Variants in STX12 observed in about 807,000 individuals in gnomAD.
STX12 encodes the protein syntaxin-12.
In STX12, 17 loss-of-function variants were observed where a neutral mutation model predicts 42.2. The ratio of observed to expected loss-of-function variants is 0.40; its 90% CI spans 0.28 to 0.60. The LOEUF is 0.60. Ranked by LOEUF, STX12 falls within the 20% of genes least tolerant of loss-of-function variation. STX12 has a pLI of 0.39. For missense variants in STX12, 297 were observed against 330.9 expected, an observed-to-expected ratio of 0.90 and a Z score of 0.79; for synonymous variants, 108 against 116.7, an observed-to-expected ratio of 0.93 and a Z score of 0.48.
chr1:27,805,169 C>G (rs542443365), intron 4 of STX12, among the ~76,000 whole-genome samples: 3 of 152,128 alleles, frequency 2.0e-5, no homozygotes, highest in Non-Finnish European at 2.9e-5. Context: ...GGTGGGGACA[C>G]AGAGCCAAAC....
At chr1:27,808,310 T>TA (rs1557805360) in intron 4 of STX12, among the ~76,000 whole-genome samples, 21 of 148,800 alleles carry the variant, frequency 1.4e-4, no homozygotes, top group East Asian at 3.9e-4. Context: ...TTTGCTTTGT[T>TA]TTTTATTTAT....
chr1:27,781,275 G>T (rs1055845654), intron 1 of STX12, among the ~76,000 whole-genome samples: 1 of 151,974 alleles, frequency 6.6e-6, no homozygotes, highest in African/African-American at 2.4e-5. Context: ...AACTCCTGAC[G>T]TCAGGCGATT....
chr1:27,784,337 C>T (rs1329844629), intron 1 of STX12, among the ~76,000 whole-genome samples: 1 of 152,150 alleles, frequency 6.6e-6, no homozygotes, highest in African/African-American at 2.4e-5. Flanking sequence ...CCTCTTCTCT[C>T]AGCCTCTTGA....
At chr1:27,799,812 G>A (rs2088815264) in intron 3 of STX12, among the ~76,000 whole-genome samples, 1 of 152,032 alleles carries the variant, frequency 6.6e-6, no homozygotes, top group Non-Finnish European at 1.5e-5. Flanking sequence ...GAGTGCAATG[G>A]CACGATCTCA....
intron 4 of STX12, among the ~76,000 whole-genome samples, chr1:27,807,827 A>G (rs2088873646): frequency 6.6e-6 from 1 of 152,356 alleles, no homozygotes; most frequent in South Asian, 2.1e-4. Context: ...TTATGTTCAT[A>G]TACTATAATA....
At chr1:27,821,694 T>C (rs1042775410) in intron 8 of STX12, among the ~76,000 whole-genome samples, 2 of 152,184 alleles carry the variant, frequency 1.3e-5, no homozygotes, top group African/African-American at 2.4e-5. Flanking sequence ...CAAAATTGTA[T>C]GTGGGGACTT....
intron 3 of STX12, among the ~76,000 whole-genome samples, chr1:27,795,348 C>A (rs927554167): frequency 6.6e-6 from 1 of 151,754 alleles, no homozygotes; most frequent in Admixed American, 6.6e-5. Flanking sequence ...CTCTGTCGCC[C>A]AGGCTGGAGT....
At chr1:27,800,254 C>G (rs17162800) in intron 3 of STX12, among the ~76,000 whole-genome samples, 4,414 of 152,300 alleles carry the variant, frequency 0.029, 232 homozygotes, top group African/African-American at 0.1. Flanking sequence ...CTTATTCATG[C>G]CTTCCTCTTA....
At chr1:27,817,313 G>A (rs867903342) in intron 6 of STX12, among the ~76,000 whole-genome samples, 1 of 152,222 alleles carries the variant, frequency 6.6e-6, no homozygotes, top group Non-Finnish European at 1.5e-5. Context: ...TTGTCAGTCA[G>A]TTGGGAGTTA....
Position 27,774,063 on chromosome 1 carries a change from C to T in STX12, c.118+638C>T, listed in dbSNP as rs564756761. ...AGCATTTCAATTTACATTATTTTGTCTTTTGTAACAAATAATTGGGGTGTA... is the reference window on the plus strand; with the variant it reads ...AGCATTTCAATTTACATTATTTTGTTTTTTGTAACAAATAATTGGGGTGTA... On this transcript the variant is annotated intron_variant, in intron 1 of 8. Transcript: ENST00000373943. 4 of 152,270 alleles carry T rather than the reference C, an allele frequency of 2.6e-5. No individual in the cohort carries two copies. In the South Asian group the frequency reaches 8.3e-4, roughly 32 times the overall value. The allele number at this position is 152,270 out of a possible 1,614,324, so 9.4% of individuals were successfully genotyped here. A position where few individuals can be genotyped will look rare whatever the true frequency, so the allele number is the denominator to read the frequency against.
Position 27,779,855 on chromosome 1 carries a change from G to A in STX12, c.118+6430G>A, listed in dbSNP as rs189633578. On this transcript the variant is annotated intron_variant, in intron 1 of 8. Transcript: ENST00000373943. ...AGCCCAGGCTGCAATGCAGTGGTGC[G>A]ATCTCGGCTCACCACAACCTCTGCC... 3.3e-3 allele frequency among the ~76,000 whole-genome samples: 504 copies of A among 151,300 alleles called. 4 individuals are homozygous for A. Among genetic ancestry groups the A allele is most frequent in the African/African-American group, 0.012 (476 of 41,204 alleles).
intron 8 of STX12, among the ~76,000 whole-genome samples, chr1:27,821,084 G>T (rs1489694888): frequency 1.3e-5 from 2 of 150,864 alleles, no homozygotes; most frequent in Non-Finnish European, 1.5e-5. Flanking sequence ...GAGTTAGTGG[G>T]TGCAGCACAC....
At chr1:27,774,647 CTG>C (rs1203459438) in intron 1 of STX12, among the ~76,000 whole-genome samples, 1 of 151,910 alleles carries the variant, frequency 6.6e-6, no homozygotes, top group African/African-American at 2.4e-5. Context: ...GCGTGAGCCA[CTG>C]TGCCTAGCCT....
chr1:27,817,921 T>C lies in STX12; in HGVS notation c.647T>C (p.Ile216Thr). 1 of 1,613,304 alleles carries C rather than the reference T, an allele frequency of 6.2e-7. No individual in the cohort carries two copies. Among genetic ancestry groups the C allele is most frequent in the Non-Finnish European group, 8.5e-7 (1 of 1,179,332 alleles). ...ATGATCCATGACCAGGGTGATCTGA[T>C]TGGTATGTATTATTGATACCTTTAA... The part of the protein sequence containing the change: ...AMMIHDQGDL[I>T]DSIEANVESS... Residue 216 changes from isoleucine (I) to threonine (T), a missense_variant and splice_region_variant, in exon 7 of 9, where the codon ATT (isoleucine) becomes ACT (threonine). Ile to Thr is a moderately conservative substitution (Grantham distance 89). Transcript: ENST00000373943.
At position 27,799,774 on chromosome 1, in the gene STX12, C is replaced by T. The variant is rs537759391; in HGVS notation, c.289-1904C>T. Among the ~76,000 whole-genome samples the T allele has an allele frequency of 5.3e-5, 8 of 151,462 alleles. No homozygotes were observed. The South Asian group carries it at 8.4e-4, about 16-fold the overall frequency. On this transcript the variant is annotated intron_variant, in intron 3 of 8. Coordinates refer to ENST00000373943, the MANE Select transcript of STX12 (RefSeq NM_177424.3). ...TGGCGTTTTGTTTTGTTTTTTGAGA[C>T]GGAGTTTCACATGTGTTGCCCAGGC...
chr1:27,813,961 C>T (rs1301501797), intron 6 of STX12, among the ~76,000 whole-genome samples: 4 of 152,018 alleles, frequency 2.6e-5, no homozygotes, highest in African/African-American at 7.2e-5. Flanking sequence ...AGTGCAGTGG[C>T]GCGTTCTTGG....
chr1:27,814,091 A>G (rs1421452792), intron 6 of STX12, among the ~76,000 whole-genome samples: 6 of 151,854 alleles, frequency 4.0e-5, no homozygotes, highest in Non-Finnish European at 8.8e-5. Context: ...AGTAGAGACG[A>G]GGTTTTGCCA....
intron 6 of STX12, among the ~76,000 whole-genome samples, chr1:27,813,004 T>A (rs1001764798): frequency 6.6e-6 from 1 of 152,136 alleles, no homozygotes; most frequent in Admixed American, 6.6e-5. Context: ...CCAAAAGTCT[T>A]GCTCCATTTT....
At chr1:27,798,964 A>C (rs901267058) in intron 3 of STX12, among the ~76,000 whole-genome samples, 3 of 151,864 alleles carry the variant, frequency 2.0e-5, no homozygotes, top group Non-Finnish European at 4.4e-5. Flanking sequence ...AAAAAAAAAA[A>C]AAACAAAAAC....
Sources: allele counts gnomAD v4.1 joint callset (sites outside exome capture counted in the v4.1 genomes callset), GRCh38; gene constraint gnomAD v4.1.1; transcripts MANE v1.5; gene names NCBI Gene and HGNC (gene_info 2026-07-23, HGNC 2026-07-21).